Variants in KIAA0232 observed in about 807,000 individuals in gnomAD.
KIAA0232 encodes the protein KIAA0232, also known as uncharacterized protein KIAA0232.
A neutral mutation model predicts 122.0 loss-of-function variants in KIAA0232; 27 were observed. The ratio of observed to expected loss-of-function variants is 0.22; its 90% CI spans 0.16 to 0.31. The LOEUF (loss-of-function observed/expected upper bound fraction) is 0.31, where lower values mean the gene tolerates loss of function less well. Among genes scored for constraint, KIAA0232 ranks in the 10% least tolerant of loss-of-function variants. The probability of loss-of-function intolerance (pLI) is 1.00; values close to 1 mark genes in which losing one functional copy is unlikely to be tolerated. For missense variants in KIAA0232, 1,551 were observed against 1,634.2 expected, an observed-to-expected ratio of 0.95 and a Z score of 0.88; for synonymous variants, 613 against 587.6, an observed-to-expected ratio of 1.04 and a Z score of -0.63.
chr4:6,785,976 T>C (rs889780796), intron 1 of KIAA0232, among the ~76,000 whole-genome samples: 2 of 152,238 alleles, frequency 1.3e-5, no homozygotes, highest in African/African-American at 4.8e-5. Context: ...TCATATCAAA[T>C]ATTCTGTTCT....
chr4:6,856,415 T>A (rs973644065), intron 4 of KIAA0232, among the ~76,000 whole-genome samples: 2 of 152,216 alleles, frequency 1.3e-5, no homozygotes, highest in Admixed American at 6.5e-5. Context: ...TTGAGACTCT[T>A]AAAAGTTAAA....
At chr4:6,831,360 G>T (rs778049771) in intron 3 of KIAA0232, among the ~76,000 whole-genome samples, 7 of 152,146 alleles carry the variant, frequency 4.6e-5, no homozygotes, top group Non-Finnish European at 7.3e-5. Context: ...GGCCGATTTT[G>T]TTGTCTTTTT....
At chr4:6,876,800 C>T in intron 9 of KIAA0232, 43 bp downstream of exon 9, 2 of 1,329,112 alleles carry the variant, frequency 1.5e-6, no homozygotes, top group Non-Finnish European at 1.1e-6. Flanking sequence ...TTACAAACAG[C>T]CACCACCTCC....
chr4:6,840,058 A>G (rs1269153939), intron 3 of KIAA0232, among the ~76,000 whole-genome samples: 1 of 152,138 alleles, frequency 6.6e-6, no homozygotes, highest in Non-Finnish European at 1.5e-5. Context: ...GGGAAAAAAG[A>G]CTCAAATAAC....
chr4:6,879,684 T>A (rs1721949880), intron 9 of KIAA0232, among the ~76,000 whole-genome samples: 1 of 152,166 alleles, frequency 6.6e-6, no homozygotes, highest in Admixed American at 6.5e-5. Context: ...TCTCATGTCC[T>A]GGGGTCCAGA....
rs539573840 is a variant in KIAA0232, at chr4:6,874,426, G to A, written c.3911-2234G>A. 9.2e-5 allele frequency among the ~76,000 whole-genome samples: 14 copies of A among 152,282 alleles called. 1 individual carries two copies. The South Asian group carries it at 2.7e-3, about 29-fold the overall frequency. ...AAGGGATGGCATGGGAGTGTGGTGG[G>A]GATGAGGCCAGCCAGGCAGCTGGGA... On this transcript the variant is annotated intron_variant, in intron 8 of 9. Coordinates refer to ENST00000307659, the MANE Select transcript of KIAA0232 (RefSeq NM_014743.3).
chr4:6,824,285 T>C lies in KIAA0232; in HGVS notation c.-169T>C. 1 of 631,544 alleles carries C rather than the reference T, an allele frequency of 1.6e-6. No homozygotes were observed. The highest frequency in any genetic ancestry group is 2.9e-6 in the Non-Finnish European group (1 of 350,412). The allele number at this position is 631,544 out of a possible 1,614,324, so 39.1% of individuals were successfully genotyped here. Reference sequence around the variant, plus strand: ...AGGATGTTGATTCATTAGTCATGCCTGAAGAGGGAAAGTCTGTTTTAGGTG... The same window carrying C: ...AGGATGTTGATTCATTAGTCATGCCCGAAGAGGGAAAGTCTGTTTTAGGTG... On this transcript the variant is annotated 5_prime_UTR_variant, in exon 3 of 10. Coordinates refer to ENST00000307659, the MANE Select transcript of KIAA0232 (RefSeq NM_014743.3).
At chr4:6,824,124 A>T (rs1338488881) in intron 2 of KIAA0232, 61 bp from the exon 3 acceptor site, 1 of 419,154 alleles carries the variant, frequency 2.4e-6, no homozygotes, top group Non-Finnish European at 4.2e-6. Context: ...TTTTCCTCAA[A>T]AGGTCAATAA....
chr4:6,787,106 G>A (rs1000009897), intron 1 of KIAA0232, among the ~76,000 whole-genome samples: 2 of 149,698 alleles, frequency 1.3e-5, no homozygotes, highest in Non-Finnish European at 3.0e-5. Flanking sequence ...TCTTGAACCC[G>A]GGAGGTGGAG....
chr4:6,883,065 TG>T lies in KIAA0232; in HGVS notation c.*2100del, dbSNP rs1184218901. ...GGGATTCACAAATTATGTATTTATT[TG>T]TTTTCATAGTTAAGTAGCTGAAGCT... On this transcript the variant is annotated 3_prime_UTR_variant, in exon 10 of 10. Transcript: ENST00000307659. 6.6e-6 allele frequency: 1 copy of T among 152,588 alleles called. No individual in the cohort carries two copies. The highest frequency in any genetic ancestry group is 1.5e-5 in the Non-Finnish European group (1 of 68,048). The allele number at this position is 152,588 out of a possible 1,614,324, so 9.5% of individuals were successfully genotyped here. A position where few individuals can be genotyped will look rare whatever the true frequency, so the allele number is the denominator to read the frequency against.
At position 6,862,028 on chromosome 4, in the gene KIAA0232, C is replaced by T. The variant is rs747919419; in HGVS notation, c.1646C>T (p.Ala549Val). 1 of 1,614,170 alleles carries T rather than the reference C, an allele frequency of 6.2e-7. No individual in the cohort carries two copies. Among genetic ancestry groups the T allele is most frequent in the Non-Finnish European group, 8.5e-7 (1 of 1,180,036 alleles). Residue 549 changes from alanine (A) to valine (V), a missense_variant, in exon 7 of 10, where the codon GCA becomes GTA. By Grantham distance (64) the Ala-to-Val change is moderately conservative. Transcript: ENST00000307659. ...QKSKENTDFE[A>V]ECCIVLDGME... ...AGCAAAGAGAACACAGATTTTGAGG[C>T]AGAATGTTGCATAGTGTTAGATGGT...
chr4:6,867,516 C>T lies in KIAA0232; in HGVS notation c.3801+3333C>T, dbSNP rs1273329383. Among the ~76,000 whole-genome samples the T allele has an allele frequency of 2.6e-5, 4 of 152,310 alleles. No individual in the cohort carries two copies. The East Asian group carries it at 7.7e-4, about 29-fold the overall frequency. On this transcript the variant is annotated intron_variant, in intron 7 of 9. Coordinates refer to ENST00000307659, the MANE Select transcript of KIAA0232 (RefSeq NM_014743.3). Reference sequence around the variant, plus strand: ...GACATACATTTGTGGTGAAAATGTTCTTGTCGTTTCTTTGGTTGCCAACTT... The same window carrying T: ...GACATACATTTGTGGTGAAAATGTTTTTGTCGTTTCTTTGGTTGCCAACTT...
chr4:6,838,212 A>G (rs529481900), intron 3 of KIAA0232, among the ~76,000 whole-genome samples: 2 of 145,280 alleles, frequency 1.4e-5, no homozygotes, highest in African/African-American at 5.1e-5. Context: ...TTTTTGAGAC[A>G]GGGTCTTACT....
chr4:6,871,911 CT>C (rs1721512787), intron 8 of KIAA0232, among the ~76,000 whole-genome samples: 1 of 152,180 alleles, frequency 6.6e-6, no homozygotes, highest in South Asian at 2.1e-4. Flanking sequence ...CCAAGCGTTA[CT>C]GACCATGGAT....
rs1350853282 is a variant in KIAA0232, at chr4:6,861,502, G to C, written c.1120G>C (p.Gly374Arg). ...KRGKRPLKEI[G>R]RKDPGSTEGK... is the part of the protein sequence containing the mutation. ...GGGTAAGAGACCTTTAAAAGAAATA[G>C]GGAGAAAAGATCCTGGGAGCACTGA... The change falls in exon 7 of 10, where the codon GGG becomes CGG. Residue 374 changes from glycine (G) to arginine (R), a missense_variant. By Grantham distance (125) the Gly-to-Arg change is moderately radical. Transcript: ENST00000307659. The C allele has an allele frequency of 1.4e-5, 23 of 1,613,990 alleles. No individual in the cohort carries two copies. Among genetic ancestry groups the C allele is most frequent in the Non-Finnish European group, 1.9e-5 (23 of 1,180,032 alleles).
At chr4:6,821,153 C>A (rs895296309) in intron 2 of KIAA0232, among the ~76,000 whole-genome samples, 2 of 152,198 alleles carry the variant, frequency 1.3e-5, no homozygotes, top group African/African-American at 4.8e-5. Flanking sequence ...TAAATTCCTT[C>A]AGTTTTTGCA....
chr4:6,836,816 T>C (rs1463772818), intron 3 of KIAA0232, among the ~76,000 whole-genome samples: 1 of 152,020 alleles, frequency 6.6e-6, no homozygotes, highest in Non-Finnish European at 1.5e-5. Flanking sequence ...CTTAATCCAT[T>C]TAACCCTTAG....
At position 6,824,600 on chromosome 4, in the gene KIAA0232, A is replaced by G. The variant is rs531885845; in HGVS notation, c.147A>G (p.Lys49=). The G allele has an allele frequency of 6.4e-5, 104 of 1,614,230 alleles. 2 individuals carry two copies. The South Asian group carries it at 1.1e-3, about 17-fold the overall frequency. ...VQTWLGQELE[K]CGIDAMIYTR... is the part of the protein sequence containing the mutation. Reference sequence around the variant, plus strand: ...CCTGGCTGGGACAAGAGCTCGAGAAATGTGGCATTGATGCCATGATTTACA... The same window carrying G: ...CCTGGCTGGGACAAGAGCTCGAGAAGTGTGGCATTGATGCCATGATTTACA... The change falls in exon 3 of 10, where the codon AAA becomes AAG. Residue 49 remains lysine, a synonymous_variant. Coordinates refer to ENST00000307659, the MANE Select transcript of KIAA0232 (RefSeq NM_014743.3).
At chr4:6,845,394 C>T (rs1719898240) in intron 4 of KIAA0232, among the ~76,000 whole-genome samples, 2 of 152,120 alleles carry the variant, frequency 1.3e-5, no homozygotes, top group African/African-American at 4.8e-5. Flanking sequence ...CAGGGTCTCC[C>T]TGTGTTGCCC....
Sources: gnomAD v4.1 joint callset for allele counts (sites outside exome capture counted in the v4.1 genomes callset) on GRCh38, gnomAD v4.1.1 for gene constraint, MANE v1.5 for transcripts, NCBI Gene and HGNC (gene_info 2026-07-23, HGNC 2026-07-21) for gene names.